Variants in MCTP2 observed in about 807,000 individuals in gnomAD.
MCTP2 encodes multiple C2 and transmembrane domain containing 2, also known as multiple C2 and transmembrane domain-containing protein 2.
MCTP2 carries 132 observed loss-of-function variants against 111.6 expected under a neutral mutation model. The observed-to-expected ratio is 1.18, with a 90% CI of 1.03 to 1.37. The LOEUF is 1.37. MCTP2 is among the 40% of genes most tolerant of loss of function. MCTP2 has a pLI of 0.00. For synonymous variants in MCTP2, 395 were observed against 387.7 expected, an observed-to-expected ratio of 1.02 and a Z score of -0.22; for missense variants, 1,183 against 1,067.9, an observed-to-expected ratio of 1.11 and a Z score of -1.50.
intron 12 of MCTP2, among the ~76,000 whole-genome samples, chr15:94,378,843 C>T (rs2079930536): frequency 6.6e-6 from 1 of 152,166 alleles, no homozygotes; most frequent in African/African-American, 2.4e-5. Context: ...CAGAGATCAA[C>T]ATTTCATTTT....
chr15:94,273,901 G>A (rs2074047725), intron 1 of MCTP2: 1 of 238,164 alleles, frequency 4.2e-6, no homozygotes, highest in Non-Finnish European at 9.4e-6. Flanking sequence ...GGCCAAAACT[G>A]GACAAGGATC....
At chr15:94,308,396 C>T (rs982729385) in intron 2 of MCTP2, among the ~76,000 whole-genome samples, 3 of 152,216 alleles carry the variant, frequency 2.0e-5, no homozygotes, top group Non-Finnish European at 4.4e-5. Flanking sequence ...AAAAGAGCAG[C>T]GTACCCAGGT....
chr15:94,291,335 G>C (rs1055354284), intron 1 of MCTP2, among the ~76,000 whole-genome samples: 14 of 152,200 alleles, frequency 9.2e-5, no homozygotes, highest in Admixed American at 7.2e-4. Flanking sequence ...GGGTGTGGTG[G>C]CTCACACCTG....
At chr15:94,338,445 T>C (rs2077471448) in intron 4 of MCTP2, among the ~76,000 whole-genome samples, 1 of 151,680 alleles carries the variant, frequency 6.6e-6, no homozygotes, top group African/African-American at 2.4e-5. Flanking sequence ...CACATGCATG[T>C]AACACACGCA....
rs532223150 is a variant in MCTP2, at chr15:94,481,513, A to G, written c.*2479A>G. The G allele has an allele frequency of 2.2e-3, 328 of 152,408 alleles. 2 individuals are homozygous for G. The highest frequency in any genetic ancestry group is 0.01 in the Middle Eastern group (3 of 294). 9.4% of individuals were successfully genotyped at this position (152,408 alleles called of 1,614,324 possible). On this transcript the variant is annotated 3_prime_UTR_variant, in exon 23 of 23. Coordinates refer to ENST00000357742, the MANE Select transcript of MCTP2 (RefSeq NM_001385001.1). ...TCATAACCTCTCAGACGTCACGGCC[A>G]TGATGCCAGTTACATTATGCCTAGT...
At chr15:94,448,428 C>A (rs959959731) in intron 19 of MCTP2, among the ~76,000 whole-genome samples, 1 of 152,180 alleles carries the variant, frequency 6.6e-6, no homozygotes, top group African/African-American at 2.4e-5. Flanking sequence ...GACCAAATTT[C>A]GTCAGAGGCG....
intron 4 of MCTP2, among the ~76,000 whole-genome samples, chr15:94,329,346 TTAG>T (rs1458328834): frequency 2.0e-5 from 3 of 152,180 alleles, no homozygotes; most frequent in Admixed American, 2.0e-4. Flanking sequence ...ACATAGTGTA[TTAG>T]TAGTCCGTTC....
chr15:94,427,624 C>T (rs934161861), intron 17 of MCTP2, among the ~76,000 whole-genome samples: 5 of 152,132 alleles, frequency 3.3e-5, no homozygotes, highest in African/African-American at 1.2e-4. Flanking sequence ...CCTCCCCCGA[C>T]ACGTGGGGAT....
At position 94,334,453 on chromosome 15, in the gene MCTP2, TATACTC is replaced by T. The variant is rs1237675577; in HGVS notation, c.638-4833_638-4828del. Among the ~76,000 whole-genome samples, 9 of 152,352 alleles carry T rather than the reference TATACTC, an allele frequency of 5.9e-5. No individual in the cohort carries two copies. The South Asian group carries it at 1.7e-3, about 28-fold the overall frequency. On this transcript the variant is annotated intron_variant, in intron 4 of 22. Coordinates refer to ENST00000357742, the MANE Select transcript of MCTP2 (RefSeq NM_001385001.1). ...GCTTTGATTTGGAGAAATTTAATAA[TATACTC>T]ATAGGTGGTCCAAATAATGTTTTCT...
In MCTP2 at chr15:94,314,268, CT is replaced by C. The variant is rs775072999; in HGVS notation, c.466-9del. The C allele has an allele frequency of 6.3e-7, 1 of 1,582,436 alleles. No homozygotes were observed. Among genetic ancestry groups the C allele is most frequent in the South Asian group, 1.2e-5 (1 of 86,540 alleles). Reference sequence around the variant, plus strand: ...GCTTTTGTAAAGCAGATTTTTTTTTCTTTTTCTTTGCAGAAGCTATGTGGAA... The same window carrying C: ...GCTTTTGTAAAGCAGATTTTTTTTTCTTTTCTTTGCAGAAGCTATGTGGAA... On this transcript the variant is annotated splice_polypyrimidine_tract_variant and intron_variant, in intron 2 of 22. Transcript: ENST00000357742.
chr15:94,242,966 TATGTGTATCTACAC>T (rs1341623715), intron 1 of MCTP2, among the ~76,000 whole-genome samples: 1 of 115,928 alleles, frequency 8.6e-6, no homozygotes, highest in Non-Finnish European at 1.8e-5. Context: ...TACACGTGTA[TATGTGTATCTACAC>T]ATACACGTGT....
chr15:94,306,260 G>GC lies in MCTP2; in HGVS notation c.465+7533dup, dbSNP rs532693195. On this transcript the variant is annotated intron_variant, in intron 2 of 22. Transcript: ENST00000357742. ...GGGCTAGAAAAATATGAAGGTCTTAGCCCAGTACCTGCCAGCCACAAGCAC... is the reference window on the plus strand; with the variant it reads ...GGGCTAGAAAAATATGAAGGTCTTAGCCCCAGTACCTGCCAGCCACAAGCAC... Among the ~76,000 whole-genome samples the GC allele has an allele frequency of 6.6e-4, 101 of 152,320 alleles. 1 individual carries two copies. The highest frequency in any genetic ancestry group is 1.9e-3 in the African/African-American group (79 of 41,574).
chr15:94,302,747 A>G (rs1411418001), intron 2 of MCTP2, among the ~76,000 whole-genome samples: 1 of 152,210 alleles, frequency 6.6e-6, no homozygotes, highest in African/African-American at 2.4e-5. Context: ...TCTGTGAATA[A>G]TGGTAGTCTC....
chr15:94,436,048 C>T (rs1004210969), intron 17 of MCTP2, among the ~76,000 whole-genome samples: 1 of 152,146 alleles, frequency 6.6e-6, no homozygotes, highest in Non-Finnish European at 1.5e-5. Context: ...CTTGAGTGTG[C>T]TCTGCATGTA....
At chr15:94,382,391 C>T (rs1045234722) in intron 12 of MCTP2, among the ~76,000 whole-genome samples, 7 of 152,236 alleles carry the variant, frequency 4.6e-5, no homozygotes, top group Non-Finnish European at 7.3e-5. Context: ...TGAAAACCCT[C>T]ACTCCTTCCT....
At chr15:94,319,480 C>G (rs547983365) in intron 4 of MCTP2, among the ~76,000 whole-genome samples, 44 of 152,366 alleles carry the variant, frequency 2.9e-4, no homozygotes, top group Middle Eastern at 3.4e-3. Flanking sequence ...CGCACACAGA[C>G]TCTCTGATTC....
chr15:94,437,155 CAAAAAAAAAAAAA>C (rs11352999), intron 17 of MCTP2, among the ~76,000 whole-genome samples: 15 of 69,562 alleles, frequency 2.2e-4, no homozygotes, highest in Non-Finnish European at 3.7e-4. Flanking sequence ...CTTACACATC[CAAAAAAAAAAAAA>C]AAAAAAAAAA....
At chr15:94,423,764 G>C (rs2082736745) in intron 17 of MCTP2, among the ~76,000 whole-genome samples, 1 of 152,106 alleles carries the variant, frequency 6.6e-6, no homozygotes, top group Non-Finnish European at 1.5e-5. Context: ...AGCATTCCTA[G>C]GCCAGTGCAG....
At chr15:94,354,854 C>T (rs1165392289) in intron 8 of MCTP2, among the ~76,000 whole-genome samples, 2 of 152,188 alleles carry the variant, frequency 1.3e-5, no homozygotes, top group African/African-American at 4.8e-5. Flanking sequence ...TGACTAACTG[C>T]TGTCCGAGCA....
Sources: allele counts gnomAD v4.1 joint callset (sites outside exome capture counted in the v4.1 genomes callset), GRCh38; gene constraint gnomAD v4.1.1; transcripts MANE v1.5; gene names NCBI Gene and HGNC (gene_info 2026-07-23, HGNC 2026-07-21).